DLC1: variants seen among roughly 807,000 people sequenced by gnomAD.
The protein encoded by DLC1 is rho GTPase-activating protein 7.
Under a neutral mutation model 140.3 loss-of-function variants are expected in DLC1, and 54 were observed. That is an observed-to-expected ratio of 0.38 (90% CI 0.31 to 0.48). The LOEUF (loss-of-function observed/expected upper bound fraction) is 0.48. Among genes scored for constraint, DLC1 ranks in the 20% least tolerant of loss-of-function variants. The probability of loss-of-function intolerance (pLI) is 0.96; values close to 1 mark genes in which losing one functional copy is unlikely to be tolerated. For missense variants in DLC1, 2,536 were observed against 1,907.0 expected (o/e 1.33, Z -6.14); for synonymous variants, 986 against 728.1 (o/e 1.35, Z -5.70).
chr8:13,121,153 C>A (rs573716428), intron 5 of DLC1, among the ~76,000 whole-genome samples: 1 of 152,088 alleles, frequency 6.6e-6, no homozygotes, highest in African/African-American at 2.4e-5. Context: ...TTTGCAGATT[C>A]CCTGGATTCC....
intron 2 of DLC1, among the ~76,000 whole-genome samples, chr8:13,470,643 C>G (rs60833870): frequency 0.034 from 5,192 of 152,186 alleles, 282 homozygotes; most frequent in African/African-American, 0.11. Context: ...CTTTTGTACA[C>G]TGTTGGTGGG....
chr8:13,320,252 T>A (rs1339407320), intron 4 of DLC1, among the ~76,000 whole-genome samples: 1 of 152,166 alleles, frequency 6.6e-6, no homozygotes, highest in East Asian at 1.9e-4. Context: ...TATCTTAAAT[T>A]TCTTGCTAAT....
intron 1 of DLC1, among the ~76,000 whole-genome samples, chr8:13,555,032 G>C (rs1035646839): frequency 7.2e-5 from 11 of 152,094 alleles, no homozygotes; most frequent in Non-Finnish European, 1.3e-4. Flanking sequence ...TCTCAGTCTT[G>C]TAACACTTGC....
intron 2 of DLC1, among the ~76,000 whole-genome samples, chr8:13,407,032 G>T (rs1330357915): frequency 6.6e-6 from 1 of 152,164 alleles, no homozygotes; most frequent in Non-Finnish European, 1.5e-5. Context: ...ATATGTAGCT[G>T]CTGTGGAAGA....
intron 5 of DLC1, among the ~76,000 whole-genome samples, chr8:13,257,643 A>G (rs147061328): frequency 0.011 from 1,694 of 152,028 alleles, 11 homozygotes; most frequent in South Asian, 0.037. Context: ...ATTTAGTGGA[A>G]TTTCCTGATT....
chr8:13,356,040 G>C (rs1261887248), intron 4 of DLC1, among the ~76,000 whole-genome samples: 3 of 124,130 alleles, frequency 2.4e-5, no homozygotes, highest in Non-Finnish European at 3.1e-5. Context: ...CAGTGAGCCG[G>C]GATCGCGCCA....
intron 5 of DLC1, among the ~76,000 whole-genome samples, chr8:13,241,005 G>T (rs1199591683): frequency 1.3e-5 from 2 of 152,122 alleles, no homozygotes; most frequent in African/African-American, 4.8e-5. Context: ...AGAGAGAAGG[G>T]GAATAAATCC....
chr8:13,521,772 A>G (rs1802774252), intron 1 of DLC1, among the ~76,000 whole-genome samples: 1 of 152,166 alleles, frequency 6.6e-6, no homozygotes, highest in Admixed American at 6.5e-5. Flanking sequence ...CTGTTAAAGT[A>G]CAAATATGCC....
chr8:13,567,179 G>A (rs776972388), intron 1 of DLC1: 1 of 1,551,686 alleles, frequency 6.4e-7, no homozygotes, highest in Admixed American at 2.0e-5. Flanking sequence ...CAGACTCCAA[G>A]CTTGGAACAA....
intron 5 of DLC1, among the ~76,000 whole-genome samples, chr8:13,216,347 C>A (rs2117129013): frequency 6.6e-6 from 1 of 152,226 alleles, no homozygotes; most frequent in Middle Eastern, 3.4e-3. Context: ...TTGTTCAAAG[C>A]CACCCAGCTG....
At chr8:13,154,253 G>C (rs1282082708) in intron 5 of DLC1, among the ~76,000 whole-genome samples, 1 of 152,370 alleles carries the variant, frequency 6.6e-6, no homozygotes, top group African/African-American at 2.4e-5. Flanking sequence ...GGAGCAGCGG[G>C]AGGCACCCAT....
At chr8:13,311,332 C>G (rs1399315590) in intron 4 of DLC1, among the ~76,000 whole-genome samples, 1 of 152,102 alleles carries the variant, frequency 6.6e-6, no homozygotes. Context: ...AGCCAAAGGT[C>G]ATCATGGCTT....
At chr8:13,257,250 A>G (rs1381589308) in intron 5 of DLC1, among the ~76,000 whole-genome samples, 1 of 150,684 alleles carries the variant, frequency 6.6e-6, no homozygotes, top group Admixed American at 6.6e-5. Context: ...AACCTGGGCA[A>G]CATAATGAGA....
In DLC1 at chr8:13,579,554, AT is replaced by A. The variant is rs1188473740; in HGVS notation, c.-126+24982del. Among the ~76,000 whole-genome samples, 9 of 77,304 alleles carry A rather than the reference AT, an allele frequency of 1.2e-4. 2 individuals are homozygous for A. Among genetic ancestry groups the A allele is most frequent in the Admixed American group, 1.7e-4 (1 of 5,886 alleles). 50.7% of individuals were successfully genotyped at this position (77,304 alleles called of 152,430 possible). A position where few individuals can be genotyped will look rare whatever the true frequency, so the allele number is the denominator to read the frequency against. ...TTATATTATATATTTAATATATTAT[AT>A]TTTATATTATATATTTAATATATTA... On this transcript the variant is annotated intron_variant, in intron 1 of 1. Coordinates refer to the DLC1 transcript ENST00000631382.
At chr8:13,331,524 A>G (rs1833588181) in intron 4 of DLC1, among the ~76,000 whole-genome samples, 1 of 152,210 alleles carries the variant, frequency 6.6e-6, no homozygotes, top group African/African-American at 2.4e-5. Flanking sequence ...AGAGGATCAA[A>G]AAAGGGAAAG....
At chr8:13,578,713 A>G (rs1215026325) in intron 1 of DLC1, among the ~76,000 whole-genome samples, 1 of 152,150 alleles carries the variant, frequency 6.6e-6, no homozygotes, top group African/African-American at 2.4e-5. Context: ...GAAACAGATG[A>G]AGAGATGCAC....
chr8:13,141,322 C>T (rs1378364871), intron 5 of DLC1, among the ~76,000 whole-genome samples: 3 of 145,992 alleles, frequency 2.1e-5, no homozygotes, highest in Non-Finnish European at 4.5e-5. Flanking sequence ...CTAAGGGCAC[C>T]GAGTTTTTAA....
chr8:13,103,674 A>G (rs914551536), intron 7 of DLC1, among the ~76,000 whole-genome samples: 3 of 151,772 alleles, frequency 2.0e-5, no homozygotes, highest in Non-Finnish European at 4.4e-5. Flanking sequence ...CCCCAACTCT[A>G]CTAAAAATGC....
intron 2 of DLC1, among the ~76,000 whole-genome samples, chr8:13,442,985 A>G (rs1281960884): frequency 6.6e-6 from 1 of 152,178 alleles, no homozygotes; most frequent in Admixed American, 6.5e-5. Flanking sequence ...CTGGATTAAG[A>G]AAATGTGGCA....
Sources: gnomAD v4.1 joint callset for allele counts (sites outside exome capture counted in the v4.1 genomes callset) on GRCh38, gnomAD v4.1.1 for gene constraint, MANE v1.5 for transcripts, NCBI Gene and HGNC (gene_info 2026-07-23, HGNC 2026-07-21) for gene names.